The following FLOT1 variants were observed in gnomAD, a reference collection of about 807,000 sequenced individuals.
FLOT1 encodes flotillin-1.
Under a neutral mutation model 58.4 loss-of-function variants are expected in FLOT1, and 40 were observed. The ratio of observed to expected loss-of-function variants is 0.69; its 90% CI spans 0.53 to 0.89. The LOEUF (loss-of-function observed/expected upper bound fraction) is 0.89, where lower values mean the gene tolerates loss of function less well. Ranked by LOEUF, FLOT1 falls within the 40% of genes least tolerant of loss-of-function variation. FLOT1 has a pLI of 0.00. For missense variants in FLOT1, 423 were observed against 540.8 expected, an observed-to-expected ratio of 0.78 and a Z score of 2.16; for synonymous variants, 178 against 204.2, an observed-to-expected ratio of 0.87 and a Z score of 1.09.
At chr6:30,731,184 T>C (rs968879692) in intron 8 of FLOT1, 84 bp from the exon 9 acceptor site, 9 of 1,402,162 alleles carry the variant, frequency 6.4e-6, no homozygotes, top group Non-Finnish European at 8.6e-6. Context: ...CAGAGTGGGA[T>C]ATAAAAATAG....
rs1451765688 is a variant in FLOT1 at position 30,737,234 on chromosome 6, G to GTCCATCCATCCATCCATCCA, written c.723+2923_723+2924insTGGATGGATGGATGGATGGA. Among the ~76,000 whole-genome samples, 10 of 105,968 alleles carry GTCCATCCATCCATCCATCCA rather than the reference G, an allele frequency of 9.4e-5. No individual in the cohort carries two copies. The highest frequency in any genetic ancestry group is 2.6e-4 in the African/African-American group (7 of 27,340). 69.5% of individuals were successfully genotyped at this position (105,968 alleles called of 152,430 possible). ...CGTCCGTCCGTCCGTCCGTCCGTCC[G>GTCCATCCATCCATCCATCCA]TCCGTCCGTCCGTCCATCCGTCCAT... On this transcript the variant is annotated intron_variant, in intron 8 of 12. Transcript: ENST00000376389. The surrounding 1 kb of genome is among the most constrained non-coding windows in gnomAD (Gnocchi z 4.4).
Position 30,737,438 on chromosome 6 carries a change from T to C in FLOT1, c.723+2720A>G, listed in dbSNP as rs1434390018. On this transcript the variant is annotated intron_variant, in intron 8 of 12. Transcript: ENST00000376389. This position sits in a 1 kb window ranked among gnomAD's most constrained non-coding sequence, Gnocchi z 4.4. ...CACCCGGCTAATATTTTTTGTATTT[T>C]TGGTAGAGACAGGGTTTCACTGTTG... is the stretch of plus-strand genomic sequence containing the variant. Among the ~76,000 whole-genome samples, 1 of 152,142 alleles carries C rather than the reference T, an allele frequency of 6.6e-6. No homozygotes were observed. The highest frequency in any genetic ancestry group is 2.4e-5 in the African/African-American group (1 of 41,434).
chr6:30,739,908 C>T (rs1163785306), intron 8 of FLOT1, among the ~76,000 whole-genome samples: 1 of 145,422 alleles, frequency 6.9e-6, no homozygotes, highest in Non-Finnish European at 1.5e-5. Flanking sequence ...GCAATCAGCC[C>T]GCCTTGGCCT....
chr6:30,729,102 T>C (rs28360038), intron 12 of FLOT1, among the ~76,000 whole-genome samples: 6,475 of 134,686 alleles, frequency 0.048, 190 homozygotes, highest in African/African-American at 0.088. Flanking sequence ...TGAGATAGAG[T>C]CTTATTCTGT....
At position 30,730,978 on chromosome 6, in the gene FLOT1, C is replaced by T. The variant is rs1188271595; in HGVS notation, c.846G>A (p.Arg282=). 6.8e-6 allele frequency: 11 copies of T among 1,613,866 alleles called. No homozygotes were observed. The highest frequency in any genetic ancestry group is 9.3e-6 in the Non-Finnish European group (11 of 1,179,986). ...IARREKELEA[R]VRKPAEAERY... is the part of the protein sequence containing the mutation. ...GCTCCGCTTCCGCTGGCTTCCGCAC[C>T]CGGGCCTCCAGCTCCTTCTCCCGCC... is the stretch of plus-strand genomic sequence containing the variant. The change falls in exon 9 of 13, where the codon CGG becomes CGA. Residue 282 remains arginine (R), a synonymous_variant. Transcript: ENST00000376389.
intron 12 of FLOT1, 133 bp from the exon 13 acceptor site, chr6:30,728,278 C>T: frequency 5.4e-6 from 4 of 741,690 alleles, no homozygotes; most frequent in Non-Finnish European, 9.6e-6. Flanking sequence ...TGGTGCCCTA[C>T]CACCTGTTTC....
rs1304945105 is a variant in FLOT1, at chr6:30,741,742, G to A, written c.120-38C>T. 1.2e-6 allele frequency: 2 copies of A among 1,609,992 alleles called. No individual in the cohort carries two copies. The highest frequency in any genetic ancestry group is 1.7e-6 in the Non-Finnish European group (2 of 1,177,298). ...GAAGGGACAGACAGTAAGAAGAGGAGGAAAAAGAGAAAACGGAGGTCCCCC... is the reference window on the plus strand; with the variant it reads ...GAAGGGACAGACAGTAAGAAGAGGAAGAAAAAGAGAAAACGGAGGTCCCCC... On this transcript the variant is annotated intron_variant, in intron 3 of 12. Transcript: ENST00000376389. The surrounding 1 kb of genome is among the most constrained non-coding windows in gnomAD (Gnocchi z 5.9).
chr6:30,739,917 C>T (rs1777845021), intron 8 of FLOT1, among the ~76,000 whole-genome samples: 2 of 152,212 alleles, frequency 1.3e-5, no homozygotes, highest in Non-Finnish European at 2.9e-5. Context: ...CCGCCTTGGC[C>T]TCCCAAAGTG....
rs1191258584 is a variant in FLOT1, at chr6:30,737,230, G to GTCCATCCATCCA, written c.723+2927_723+2928insTGGATGGATGGA. Among the ~76,000 whole-genome samples, 23 of 136,684 alleles carry GTCCATCCATCCA rather than the reference G, an allele frequency of 1.7e-4. No individual in the cohort carries two copies. The highest frequency in any genetic ancestry group is 5.7e-4 in the African/African-American group (19 of 33,564). The allele number at this position is 136,684 out of a possible 152,430, so 89.7% of individuals were successfully genotyped here. On this transcript the variant is annotated intron_variant, in intron 8 of 12. Coordinates refer to ENST00000376389, the MANE Select transcript of FLOT1 (RefSeq NM_005803.4). This position sits in a 1 kb window ranked among gnomAD's most constrained non-coding sequence, Gnocchi z 4.4. Reference sequence around the variant, plus strand: ...CTGTCGTCCGTCCGTCCGTCCGTCCGTCCGTCCGTCCGTCCGTCCATCCGT... The same window carrying GTCCATCCATCCA: ...CTGTCGTCCGTCCGTCCGTCCGTCCGTCCATCCATCCATCCGTCCGTCCGTCCGTCCATCCGT...
chr6:30,728,158 C>T lies in FLOT1; in HGVS notation c.1255-13G>A, dbSNP rs773528063. 4.3e-5 allele frequency: 70 copies of T among 1,612,698 alleles called. 1 individual carries two copies. The highest frequency in any genetic ancestry group is 5.9e-5 in the Non-Finnish European group (70 of 1,179,838). On this transcript the variant is annotated splice_polypyrimidine_tract_variant and intron_variant, in intron 12 of 12. Coordinates refer to ENST00000376389, the MANE Select transcript of FLOT1 (RefSeq NM_005803.4). ...GCTTGTGATTCACCTGGCAAAAAGA[C>T]AACAGTAGATGACACTTGGGAACAT...
Position 30,742,401 on chromosome 6 carries a change from A to G in FLOT1, c.-15+126T>C. 1.6e-6 allele frequency: 1 copy of G among 612,058 alleles called. No homozygotes were observed. Among genetic ancestry groups the G allele is most frequent in the Non-Finnish European group, 3.0e-6 (1 of 338,540 alleles). 37.9% of individuals were successfully genotyped at this position (612,058 alleles called of 1,614,324 possible). A position where few individuals can be genotyped will look rare whatever the true frequency, so the allele number is the denominator to read the frequency against. Reference sequence around the variant, plus strand: ...CCAGCTACCTCTTCTCCGCCTGCGTATGGTCCCTCCCTTCCCCTCGCCGCT... The same window carrying G: ...CCAGCTACCTCTTCTCCGCCTGCGTGTGGTCCCTCCCTTCCCCTCGCCGCT... On this transcript the variant is annotated intron_variant, in intron 1 of 12. Transcript: ENST00000376389. The surrounding 1 kb of genome is among the most constrained non-coding windows in gnomAD (Gnocchi z 5.2).
Position 30,731,049 on chromosome 6 carries a change from C to CCACCTG in FLOT1, c.769_774dup (p.Gln257_Val258dup). Reference sequence around the variant, plus strand: ...ACTGCCACCTGCTGGGCCCGCTCCACCACCTGCACCTGCACCCGCTGCTCC... The same window carrying CCACCTG: ...ACTGCCACCTGCTGGGCCCGCTCCACCACCTGCACCTGCACCTGCACCCGCTGCTCC... On this transcript the variant is annotated inframe_insertion, in exon 9 of 13. Transcript: ENST00000376389. 6.2e-7 allele frequency: 1 copy of CCACCTG among 1,611,446 alleles called. No individual in the cohort carries two copies. Among genetic ancestry groups the CCACCTG allele is most frequent in the African/African-American group, 1.3e-5 (1 of 75,062 alleles).
chr6:30,738,735 A>G (rs1242812353), intron 8 of FLOT1, among the ~76,000 whole-genome samples: 1 of 152,238 alleles, frequency 6.6e-6, no homozygotes, highest in Non-Finnish European at 1.5e-5. Flanking sequence ...AAGGCACATC[A>G]TAGCCCGCTT....
In FLOT1 at chr6:30,742,084, G is replaced by T; in HGVS notation, c.43+63C>A. Reference sequence around the variant, plus strand: ...GAAGTTGGTAGGGAGAGGGAGAAGGGGCAGAGGCCAGACTCACAGGGGTTC... The same window carrying T: ...GAAGTTGGTAGGGAGAGGGAGAAGGTGCAGAGGCCAGACTCACAGGGGTTC... On this transcript the variant is annotated intron_variant, in intron 2 of 12. Transcript: ENST00000376389. The surrounding 1 kb of genome is among the most constrained non-coding windows in gnomAD (Gnocchi z 5.2). 1 of 1,540,976 alleles carries T rather than the reference G, an allele frequency of 6.5e-7. No homozygotes were observed. Among genetic ancestry groups the T allele is most frequent in the South Asian group, 1.1e-5 (1 of 89,476 alleles).
Position 30,742,533 on chromosome 6 carries a change from G to A in FLOT1, c.-21C>T. 3.1e-6 allele frequency: 1 copy of A among 318,256 alleles called. No homozygotes were observed. Among genetic ancestry groups the A allele is most frequent in the Non-Finnish European group, 5.9e-6 (1 of 170,286 alleles). 19.7% of individuals were successfully genotyped at this position (318,256 alleles called of 1,614,324 possible). A position where few individuals can be genotyped will look rare whatever the true frequency, so the allele number is the denominator to read the frequency against. On this transcript the variant is annotated 5_prime_UTR_variant, in exon 1 of 13. Coordinates refer to ENST00000376389, the MANE Select transcript of FLOT1 (RefSeq NM_005803.4). This position sits in a 1 kb window ranked among gnomAD's most constrained non-coding sequence, Gnocchi z 5.2. ...TCTCCCCTCCCCCACTCACCTTCCG[G>A]GACGCGGGCGGCAGCCCGGCTGGGG...
chr6:30,742,228 T>A lies in FLOT1; in HGVS notation c.-14-25A>T. 6.2e-7 allele frequency: 1 copy of A among 1,609,358 alleles called. No individual in the cohort carries two copies. Among genetic ancestry groups the A allele is most frequent in the South Asian group, 1.1e-5 (1 of 91,014 alleles). On this transcript the variant is annotated intron_variant, in intron 1 of 12. Coordinates refer to ENST00000376389, the MANE Select transcript of FLOT1 (RefSeq NM_005803.4). The surrounding 1 kb of genome is among the most constrained non-coding windows in gnomAD (Gnocchi z 5.2). ...GCTGGAGGAGAGGGAGGGAAAGCCT[T>A]TGCGGATGGGGAAGGCGCGCTGTGG...
rs148516220 is a variant in FLOT1 at position 30,737,208 on chromosome 6, T to TCGTCCGTCCGTCCGTCCGTC, written c.723+2930_723+2949dup. ...GACTGACTGACTGACTGACTGTCTG[T>TCGTCCGTCCGTCCGTCCGTC]CGTCCGTCCGTCCGTCCGTCCGTCC... On this transcript the variant is annotated intron_variant, in intron 8 of 12. Coordinates refer to ENST00000376389, the MANE Select transcript of FLOT1 (RefSeq NM_005803.4). This position sits in a 1 kb window ranked among gnomAD's most constrained non-coding sequence, Gnocchi z 4.4. Among the ~76,000 whole-genome samples, 1 of 138,130 alleles carries TCGTCCGTCCGTCCGTCCGTC rather than the reference T, an allele frequency of 7.2e-6. No individual in the cohort carries two copies. The highest frequency in any genetic ancestry group is 2.3e-4 in the South Asian group (1 of 4,366). 90.6% of individuals were successfully genotyped at this position (138,130 alleles called of 152,430 possible).
In FLOT1 at chr6:30,730,679, C is replaced by T. The variant is rs959163880; in HGVS notation, c.951+3G>A. 6.2e-7 allele frequency: 1 copy of T among 1,613,608 alleles called. No homozygotes were observed. The highest frequency in any genetic ancestry group is 1.3e-5 in the African/African-American group (1 of 74,956). On this transcript the variant is annotated splice_donor_region_variant and intron_variant, in intron 10 of 12. Transcript: ENST00000376389. ...GCCAGCATGGAACTGCCTCTTAACT[C>T]ACCCGCACAGACGCGGCTTCTGCCT... is the stretch of plus-strand genomic sequence containing the variant.
At position 30,727,928 on chromosome 6, in the gene FLOT1, A is replaced by G. The variant is rs1776845136; in HGVS notation, c.*188T>C. 2 of 646,646 alleles carry G rather than the reference A, an allele frequency of 3.1e-6. No homozygotes were observed. Among genetic ancestry groups the G allele is most frequent in the Non-Finnish European group, 5.6e-6 (2 of 354,634 alleles). The allele number at this position is 646,646 out of a possible 1,614,324, so 40.1% of individuals were successfully genotyped here. On this transcript the variant is annotated 3_prime_UTR_variant, in exon 13 of 13. Coordinates refer to ENST00000376389, the MANE Select transcript of FLOT1 (RefSeq NM_005803.4). Reference sequence around the variant, plus strand: ...TGGGACCGCTGGAGTTGGCAATCATAGCAGTGTGAGGTTGGCAAGGGGAGC... The same window carrying G: ...TGGGACCGCTGGAGTTGGCAATCATGGCAGTGTGAGGTTGGCAAGGGGAGC...
Sources: allele counts gnomAD v4.1 joint callset (sites outside exome capture counted in the v4.1 genomes callset), GRCh38; gene constraint gnomAD v4.1.1; non-coding constraint Gnocchi (gnomAD v3.1); transcripts MANE v1.5; gene names NCBI Gene and HGNC (gene_info 2026-07-23, HGNC 2026-07-21).